The following ULK4 variants were observed in gnomAD, a reference collection of about 807,000 sequenced individuals.
The protein encoded by ULK4 is unc-51 like kinase 4, also known as inactive serine/threonine-protein kinase ULK4.
A neutral mutation model predicts 160.6 loss-of-function variants in ULK4; 133 were observed. That is an observed-to-expected ratio of 0.83 (90% CI 0.72 to 0.96). The LOEUF is 0.96. Among genes scored for constraint, ULK4 ranks in the 40% least tolerant of loss-of-function variants. ULK4 has a pLI of 0.00. For missense variants in ULK4, 1,580 were observed against 1,499.5 expected (o/e 1.05, Z -0.89); for synonymous variants, 534 against 539.8 (o/e 0.99, Z 0.15).
At chr3:41,499,672 G>A (rs1495702) in intron 32 of ULK4, among the ~76,000 whole-genome samples, 126,172 of 152,128 alleles carry the variant, frequency 0.83, 53,919 homozygotes, top group Non-Finnish European at 0.94. Flanking sequence ...TATCAATTAC[G>A]CAAAGGCCTG....
intron 32 of ULK4, among the ~76,000 whole-genome samples, chr3:41,563,693 T>C (rs1285901595): frequency 2.6e-5 from 4 of 152,334 alleles, no homozygotes; most frequent in East Asian, 1.9e-4. Context: ...TCTCGTGCCA[T>C]GGTTTTCACC....
At chr3:41,373,875 C>G (rs1300848611) in intron 35 of ULK4, among the ~76,000 whole-genome samples, 2 of 151,862 alleles carry the variant, frequency 1.3e-5, no homozygotes, top group Non-Finnish European at 2.9e-5. Context: ...ATTAACAAAA[C>G]AGATGGACCG....
intron 35 of ULK4, among the ~76,000 whole-genome samples, chr3:41,301,900 A>G (rs76116077): frequency 0.021 from 3,195 of 152,280 alleles, 74 homozygotes; most frequent in African/African-American, 0.065. Flanking sequence ...TTTTTGATTA[A>G]TAAATATATT....
intron 35 of ULK4, among the ~76,000 whole-genome samples, chr3:41,327,931 G>A (rs570185384): frequency 2.0e-5 from 3 of 152,210 alleles, no homozygotes; most frequent in East Asian, 3.9e-4. Context: ...CAGAGGTGAC[G>A]GCACAAAAAT....
chr3:41,913,793 T>C (rs998453132), intron 8 of ULK4, among the ~76,000 whole-genome samples: 3 of 151,860 alleles, frequency 2.0e-5, no homozygotes, highest in Non-Finnish European at 4.4e-5. Flanking sequence ...CAAAACCCCA[T>C]CTCTACAAAA....
rs146572329 is a variant in ULK4 at position 41,391,460 on chromosome 3, A to G, written c.3678+6619T>C. The stretch of plus-strand genomic sequence containing the variant: ...ATGGAAGGTCTTAACCCCAAGAAAA[A>G]TAAGACAGGAGGGAGAGAGGTATAA... On this transcript the variant is annotated intron_variant, in intron 35 of 36. Transcript: ENST00000301831. 9.7e-4 allele frequency among the ~76,000 whole-genome samples: 148 copies of G among 152,094 alleles called. 2 individuals carry two copies. The highest frequency in any genetic ancestry group is 3.4e-3 in the African/African-American group (140 of 41,504).
chr3:41,478,556 T>C (rs1041935561), intron 32 of ULK4, among the ~76,000 whole-genome samples: 2 of 152,216 alleles, frequency 1.3e-5, no homozygotes, highest in African/African-American at 4.8e-5. Context: ...GTGAGTGCCA[T>C]GCCCTTTTCT....
At chr3:41,521,498 G>A (rs1363641862) in intron 32 of ULK4, among the ~76,000 whole-genome samples, 1 of 151,494 alleles carries the variant, frequency 6.6e-6, no homozygotes, top group Non-Finnish European at 1.5e-5. Context: ...CTTAGGCACT[G>A]TTTCTTTGTA....
intron 2 of ULK4, among the ~76,000 whole-genome samples, chr3:41,951,085 C>T (rs1700277652): frequency 8.0e-6 from 1 of 124,562 alleles, no homozygotes; most frequent in South Asian, 2.6e-4. Context: ...GCGGAGCTTA[C>T]AGTAAGCCGA....
At chr3:41,533,519 A>C (rs546312848) in intron 32 of ULK4, among the ~76,000 whole-genome samples, 2 of 152,320 alleles carry the variant, frequency 1.3e-5, no homozygotes, top group South Asian at 4.1e-4. Context: ...CGTTTGAATT[A>C]GTTATTGGAC....
Position 41,304,273 on chromosome 3 carries a change from CAAAA to C in ULK4, c.3679-54703_3679-54700del, listed in dbSNP as rs368282598. On this transcript the variant is annotated intron_variant, in intron 35 of 36. Coordinates refer to ENST00000301831, the MANE Select transcript of ULK4 (RefSeq NM_017886.4). ...GGACAATAAGAGCAAAGCTCCCCCT[CAAAA>C]AAAAAAAAAAAAAGAGACAACATTC... Among the ~76,000 whole-genome samples, 56 of 89,714 alleles carry C rather than the reference CAAAA, an allele frequency of 6.2e-4. 2 individuals are homozygous for C. Among genetic ancestry groups the C allele is most frequent in the African/African-American group, 2.8e-3 (54 of 19,586 alleles). 58.9% of individuals were successfully genotyped at this position (89,714 alleles called of 152,430 possible). A position where few individuals can be genotyped will look rare whatever the true frequency, so the allele number is the denominator to read the frequency against.
intron 22 of ULK4, among the ~76,000 whole-genome samples, chr3:41,720,716 C>A (rs2037418943): frequency 6.6e-6 from 1 of 151,968 alleles, no homozygotes; most frequent in South Asian, 2.1e-4. Context: ...CTCATGGGGC[C>A]AACACTCAGA....
chr3:41,815,099 T>C (rs2040926890), intron 19 of ULK4, among the ~76,000 whole-genome samples: 1 of 152,244 alleles, frequency 6.6e-6, no homozygotes, highest in African/African-American at 2.4e-5. Context: ...AGCAGAGACA[T>C]GGTTTCACCA....
chr3:41,752,368 T>C (rs2038658972), intron 22 of ULK4, among the ~76,000 whole-genome samples: 1 of 152,144 alleles, frequency 6.6e-6, no homozygotes, highest in African/African-American at 2.4e-5. Flanking sequence ...CAACTTCCAC[T>C]TCTGGCCATA....
chr3:41,890,291 A>G (rs1457924130), intron 16 of ULK4, among the ~76,000 whole-genome samples: 1 of 152,228 alleles, frequency 6.6e-6, no homozygotes, highest in Non-Finnish European at 1.5e-5. Context: ...AGAAAAGTCA[A>G]GAGAGACAAA....
At position 41,293,417 on chromosome 3, in the gene ULK4, C is replaced by T. The variant is rs555756591; in HGVS notation, c.3679-43843G>A. ...GTGAAGGTCAGTCCTCCACTCACTC[C>T]GTAACCCAGTGCTGGGCCAGTCACA... is the stretch of plus-strand genomic sequence containing the variant. On this transcript the variant is annotated intron_variant, in intron 35 of 36. Coordinates refer to ENST00000301831, the MANE Select transcript of ULK4 (RefSeq NM_017886.4). Among the ~76,000 whole-genome samples, 18 of 152,232 alleles carry T rather than the reference C, an allele frequency of 1.2e-4. No individual in the cohort carries two copies. In the South Asian group the frequency reaches 3.3e-3, roughly 28 times the overall value.
At chr3:41,496,821 G>C (rs1319728041) in intron 32 of ULK4, among the ~76,000 whole-genome samples, 2 of 151,976 alleles carry the variant, frequency 1.3e-5, no homozygotes, top group Non-Finnish European at 2.9e-5. Context: ...TCTAAGAAAA[G>C]CAACACCTTA....
At chr3:41,463,345 T>G in intron 32 of ULK4, 92 bp from the exon 33 acceptor site, 1 of 1,270,890 alleles carries the variant, frequency 7.9e-7, no homozygotes, top group Non-Finnish European at 1.1e-6. Context: ...GGCTCTATGT[T>G]GCATAAACCC....
In ULK4 at chr3:41,337,429, G is replaced by T. The variant is rs189615261; in HGVS notation, c.3678+60650C>A. On this transcript the variant is annotated intron_variant, in intron 35 of 36. Transcript: ENST00000301831. ...CCTCCTCATCTGCTCTGTTCTGAGGGGTGAGGATGAAGGGAGGGGGATGAC... is the reference window on the plus strand; with the variant it reads ...CCTCCTCATCTGCTCTGTTCTGAGGTGTGAGGATGAAGGGAGGGGGATGAC... 5.9e-5 allele frequency among the ~76,000 whole-genome samples: 9 copies of T among 152,166 alleles called. 1 individual carries two copies. The East Asian group carries it at 1.5e-3, about 26-fold the overall frequency.
Sources: gnomAD v4.1 joint callset for allele counts (sites outside exome capture counted in the v4.1 genomes callset) on GRCh38, gnomAD v4.1.1 for gene constraint, MANE v1.5 for transcripts, NCBI Gene and HGNC (gene_info 2026-07-23, HGNC 2026-07-21) for gene names.